Variants in CES3 observed in about 807,000 individuals in gnomAD.
The protein encoded by CES3 is carboxylesterase 3 (brain).
A neutral mutation model predicts 57.6 loss-of-function variants in CES3; 49 were observed. The ratio of observed to expected loss-of-function variants is 0.85; its 90% CI spans 0.68 to 1.08. The LOEUF is 1.08. Among genes scored for constraint, CES3 ranks in the 50% least tolerant of loss-of-function variants. The pLI is 0.00. For synonymous variants in CES3, 266 were observed against 281.6 expected (o/e 0.94, Z 0.55); for missense variants, 645 against 742.0 (o/e 0.87, Z 1.52).
In CES3 at chr16:66,973,760, C is replaced by T. The variant is rs1282473679; in HGVS notation, c.*711C>T. On this transcript the variant is annotated 3_prime_UTR_variant, in exon 13 of 13. Coordinates refer to ENST00000303334, the MANE Select transcript of CES3 (RefSeq NM_024922.6). ...CCTCAGACTAGGGCGGGAGGGGTCTCCTCCTCTCTGCTGCCCAGTCCTGGC... is the reference window on the plus strand; with the variant it reads ...CCTCAGACTAGGGCGGGAGGGGTCTTCTCCTCTCTGCTGCCCAGTCCTGGC... The T allele has an allele frequency of 2.0e-5, 3 of 152,778 alleles. No homozygotes were observed. In the East Asian group the frequency reaches 5.8e-4, roughly 30 times the overall value. The allele number at this position is 152,778 out of a possible 1,614,324, so 9.5% of individuals were successfully genotyped here.
At chr16:66,969,137 G>A (rs774604769) in intron 8 of CES3, among the ~76,000 whole-genome samples, 19 of 152,192 alleles carry the variant, frequency 1.2e-4, no homozygotes, top group Middle Eastern at 3.2e-3. Flanking sequence ...TGGGCCCGGC[G>A]GCTCATGCCT....
In CES3 at chr16:66,973,026, A is replaced by T. The variant is rs1358697223; in HGVS notation, c.1693A>T (p.Arg565Trp). The T allele has an allele frequency of 6.2e-7, 1 of 1,613,974 alleles. No homozygotes were observed. The highest frequency in any genetic ancestry group is 8.5e-7 in the Non-Finnish European group (1 of 1,180,016). ...IQQWHQKQKN[R>W]KAQEDL ...ACAGTGGCACCAGAAGCAGAAGAAC[A>T]GGAAGGCCCAGGAGGACCTCTGAGG... The change falls in exon 13 of 13, where the codon AGG becomes TGG. Residue 565 changes from arginine (R) to tryptophan (W), a missense_variant. Transcript: ENST00000303334.
chr16:66,963,973 G>A lies in CES3; in HGVS notation c.560+38G>A, dbSNP rs373869069. Reference sequence around the variant, plus strand: ...GCATGGCCAGAGCACTGCCTGCACCGGGGAGAGGCCAGCTCACCAGAGCAA... The same window carrying A: ...GCATGGCCAGAGCACTGCCTGCACCAGGGAGAGGCCAGCTCACCAGAGCAA... On this transcript the variant is annotated intron_variant, in intron 4 of 12. Transcript: ENST00000303334. This position sits in a 1 kb window ranked among gnomAD's most constrained non-coding sequence, Gnocchi z 4.9. 119 of 1,596,604 alleles carry A rather than the reference G, an allele frequency of 7.5e-5. No individual in the cohort carries two copies. The African/African-American group carries it at 1.3e-3, about 17-fold the overall frequency.
intron 1 of CES3, among the ~76,000 whole-genome samples, chr16:66,962,448 T>C (rs563801684): frequency 2.6e-5 from 4 of 152,342 alleles, no homozygotes; most frequent in Non-Finnish European, 4.4e-5. Context: ...AGGCCACAGT[T>C]CTGCAGGCCG....
chr16:66,972,212 G>T, intron 10 of CES3, 144 bp from the exon 11 acceptor site: 2 of 753,002 alleles, frequency 2.7e-6, no homozygotes, highest in East Asian at 2.8e-5. Flanking sequence ...CCTAGCAAGC[G>T]CTCAGTAAAT....
chr16:66,969,882 G>A, intron 9 of CES3, 123 bp downstream of exon 9: 1 of 798,262 alleles, frequency 1.3e-6, no homozygotes, highest in Non-Finnish European at 2.1e-6. Context: ...CTACCACCAA[G>A]CCCCTTTGTC....
chr16:66,969,132 C>T (rs1023294110), intron 8 of CES3, among the ~76,000 whole-genome samples: 2 of 150,616 alleles, frequency 1.3e-5, no homozygotes, highest in African/African-American at 4.9e-5. Flanking sequence ...CAGGCTGGGC[C>T]CGGCGGCTCA....
chr16:66,964,620 C>G lies in CES3; in HGVS notation c.715-3C>G, dbSNP rs934691917. ...AGCCACCTCCTCTCTCCAATGCACC[C>G]AGGTCCTGTCCCCAGTGGCTGCAGG... On this transcript the variant is annotated splice_region_variant and splice_polypyrimidine_tract_variant and intron_variant, in intron 5 of 12. Coordinates refer to ENST00000303334, the MANE Select transcript of CES3 (RefSeq NM_024922.6). 1 of 1,613,850 alleles carries G rather than the reference C, an allele frequency of 6.2e-7. No individual in the cohort carries two copies. The highest frequency in any genetic ancestry group is 1.3e-5 in the African/African-American group (1 of 75,020).
chr16:66,973,085 C>T lies in CES3; in HGVS notation c.*36C>T, dbSNP rs373390760. ...GAACCTTCTTGGCTGGGGCAAACCA[C>T]TCTTCAAGTGGTGGCAGAGTCCCAG... On this transcript the variant is annotated 3_prime_UTR_variant, in exon 13 of 13. Coordinates refer to ENST00000303334, the MANE Select transcript of CES3 (RefSeq NM_024922.6). The T allele has an allele frequency of 3.2e-6, 5 of 1,587,248 alleles. No homozygotes were observed. Among genetic ancestry groups the T allele is most frequent in the African/African-American group, 1.3e-5 (1 of 74,278 alleles).
In CES3 at chr16:66,974,543, T is replaced by C. The variant is rs1597026814; in HGVS notation, c.*1494T>C. The C allele has an allele frequency of 9.7e-6, 1 of 102,646 alleles. No individual in the cohort carries two copies. Among genetic ancestry groups the C allele is most frequent in the Non-Finnish European group, 1.8e-5 (1 of 54,558 alleles). The allele number at this position is 102,646 out of a possible 1,614,324, so 6.4% of individuals were successfully genotyped here. The stretch of plus-strand genomic sequence containing the variant: ...CGTGGGCTCCTGTGCGGCCGGAGCC[T>C]CCCCAAGGAGCGCCGCCCCCTGCTC... On this transcript the variant is annotated 3_prime_UTR_variant, in exon 13 of 13. Coordinates refer to ENST00000303334, the MANE Select transcript of CES3 (RefSeq NM_024922.6).
chr16:66,964,947 A>G (rs1489525237), intron 6 of CES3, among the ~76,000 whole-genome samples: 1 of 152,052 alleles, frequency 6.6e-6, no homozygotes, highest in Non-Finnish European at 1.5e-5. Context: ...GAAGCATATC[A>G]TTGTTGGCCC....
At chr16:66,967,663 A>G (rs1040110783) in intron 8 of CES3, 6 of 981,898 alleles carry the variant, frequency 6.1e-6, no homozygotes, top group African/African-American at 3.5e-5. Flanking sequence ...CCATCTTCAC[A>G]GCAATCATTT....
At chr16:66,971,833 G>T (rs952154056) in intron 10 of CES3, among the ~76,000 whole-genome samples, 4 of 152,202 alleles carry the variant, frequency 2.6e-5, no homozygotes, top group African/African-American at 9.6e-5. Flanking sequence ...TTGTGATGGG[G>T]ATTCAATAAA....
chr16:66,972,295 C>T (rs1429280104), intron 10 of CES3, 61 bp from the exon 11 acceptor site: 2 of 1,476,014 alleles, frequency 1.4e-6, no homozygotes, highest in Non-Finnish European at 1.8e-6. Flanking sequence ...GCATGTGCTG[C>T]CAAAGGCAGC....
chr16:66,969,744 C>A lies in CES3; in HGVS notation c.1128C>A (p.Pro376=). 6.2e-7 allele frequency: 1 copy of A among 1,612,642 alleles called. No homozygotes were observed. The highest frequency in any genetic ancestry group is 8.5e-7 in the Non-Finnish European group (1 of 1,179,444). Residue 376 remains proline (P), a synonymous_variant, in exon 9 of 13, where the codon CCC becomes CCA. Coordinates refer to ENST00000303334, the MANE Select transcript of CES3 (RefSeq NM_024922.6). The stretch of plus-strand genomic sequence containing the variant: ...AGGACATGCTGGCCATCTCAACACC[C>A]GTCTTGACCAGTCTGGTGAGACAAG... ...SREDMLAIST[P]VLTSLDVPPE... is the part of the protein sequence containing the mutation.
chr16:66,966,174 G>A lies in CES3; in HGVS notation c.820-70G>A, dbSNP rs897920784. On this transcript the variant is annotated intron_variant, in intron 6 of 12. Coordinates refer to ENST00000303334, the MANE Select transcript of CES3 (RefSeq NM_024922.6). ...TGTCCTACAGATGCACCCTCTCTGT[G>A]GGAGGCAGAAGGCTGCAAGGTGGGG... The A allele has an allele frequency of 7.3e-6, 10 of 1,378,070 alleles. No homozygotes were observed. The African/African-American group carries it at 1.4e-4, about 20-fold the overall frequency. 85.4% of individuals were successfully genotyped at this position (1,378,070 alleles called of 1,614,324 possible). A position where few individuals can be genotyped will look rare whatever the true frequency, so the allele number is the denominator to read the frequency against.
intron 7 of CES3, 102 bp from the exon 8 acceptor site, chr16:66,966,623 C>G (rs1426973967): frequency 4.1e-6 from 6 of 1,462,648 alleles, no homozygotes; most frequent in South Asian, 1.2e-5. Context: ...CACTTTCCCT[C>G]CAGGCTCAGA....
intron 8 of CES3, 112 bp downstream of exon 8, chr16:66,966,977 A>G: frequency 1.5e-6 from 2 of 1,301,290 alleles, no homozygotes; most frequent in South Asian, 2.7e-5. Context: ...CTCCCATTTG[A>G]TAAGTGAGAA....
chr16:66,971,053 C>T, intron 9 of CES3, 119 bp from the exon 10 acceptor site: 1 of 1,170,066 alleles, frequency 8.5e-7, no homozygotes, highest in Non-Finnish European at 1.2e-6. Flanking sequence ...AGCTGGCTGT[C>T]CCCTGGACCA....
Sources: gnomAD v4.1 joint callset for allele counts (sites outside exome capture counted in the v4.1 genomes callset) on GRCh38, gnomAD v4.1.1 for gene constraint, Gnocchi (gnomAD v3.1) non-coding constraint, MANE v1.5 for transcripts, NCBI Gene and HGNC (gene_info 2026-07-23, HGNC 2026-07-21) for gene names.